Variants in ADAMTS17 observed in about 807,000 individuals in gnomAD.
The protein encoded by ADAMTS17 is ADAM metallopeptidase with thrombospondin type 1 motif 17.
Under a neutral mutation model 141.5 loss-of-function variants are expected in ADAMTS17, and 113 were observed. That is an observed-to-expected ratio of 0.80 (90% CI 0.69 to 0.93). ADAMTS17 has a LOEUF of 0.93. Ranked by LOEUF, ADAMTS17 falls within the 40% of genes least tolerant of loss-of-function variation. The probability of loss-of-function intolerance (pLI) is 0.00; values close to 1 mark genes in which losing one functional copy is unlikely to be tolerated. For synonymous variants in ADAMTS17, 768 were observed against 630.6 expected, an observed-to-expected ratio of 1.22 and a Z score of -3.27; for missense variants, 1,659 against 1,517.9, an observed-to-expected ratio of 1.09 and a Z score of -1.54.
intron 2 of ADAMTS17, chr15:100,339,256 TG>T: frequency 1.4e-6 from 1 of 738,562 alleles, no homozygotes; most frequent in Non-Finnish European, 1.7e-6. Context: ...GCCCTCATTC[TG>T]CAAGGATTTT....
intron 15 of ADAMTS17, among the ~76,000 whole-genome samples, chr15:100,090,415 G>A (rs545405928): frequency 1.4e-4 from 21 of 152,312 alleles, no homozygotes; most frequent in African/African-American, 4.3e-4. Flanking sequence ...TGCAGAATCC[G>A]ACAGAGCTGA....
intron 3 of ADAMTS17, among the ~76,000 whole-genome samples, chr15:100,302,795 A>T (rs1168260266): frequency 1.3e-5 from 2 of 152,166 alleles, no homozygotes; most frequent in African/African-American, 2.4e-5. Flanking sequence ...TTGCCACAGG[A>T]CATTCACATT....
chr15:100,253,342 G>A (rs929193068), intron 7 of ADAMTS17, among the ~76,000 whole-genome samples: 3 of 125,432 alleles, frequency 2.4e-5, no homozygotes, highest in Admixed American at 8.0e-5. Context: ...GGCAGGTGAA[G>A]GGGAAGGTGA....
At chr15:100,027,986 G>A (rs1282520187) in intron 18 of ADAMTS17, among the ~76,000 whole-genome samples, 3 of 152,106 alleles carry the variant, frequency 2.0e-5, no homozygotes, top group African/African-American at 2.4e-5. Flanking sequence ...CCCCACTGGG[G>A]AGCCCTACCC....
At chr15:100,279,026 C>A (rs371427659) in intron 4 of ADAMTS17, among the ~76,000 whole-genome samples, 1 of 152,224 alleles carries the variant, frequency 6.6e-6, no homozygotes, top group African/African-American at 2.4e-5. Flanking sequence ...GCCACCACAG[C>A]CCCAGCTACA....
At chr15:100,207,040 C>T (rs553098339) in intron 7 of ADAMTS17, among the ~76,000 whole-genome samples, 288 of 152,266 alleles carry the variant, frequency 1.9e-3, no homozygotes, top group African/African-American at 6.6e-3. Context: ...ACTGTGTCCC[C>T]CTGAAATTCA....
chr15:100,161,261 G>A (rs2039680636), intron 8 of ADAMTS17, among the ~76,000 whole-genome samples: 1 of 152,242 alleles, frequency 6.6e-6, no homozygotes, highest in Admixed American at 6.5e-5. Flanking sequence ...CGCAGGACAT[G>A]AGTAGGTGTT....
At chr15:99,987,258 G>A (rs1047901683) in intron 20 of ADAMTS17, among the ~76,000 whole-genome samples, 1 of 152,222 alleles carries the variant, frequency 6.6e-6, no homozygotes, top group East Asian at 1.9e-4. Flanking sequence ...TCTGCTGGAA[G>A]ATTGCCCCTT....
intron 7 of ADAMTS17, among the ~76,000 whole-genome samples, chr15:100,202,943 T>C (rs923380659): frequency 1.5e-4 from 23 of 152,162 alleles, no homozygotes; most frequent in Non-Finnish European, 3.1e-4. Flanking sequence ...CAGCCTTCTA[T>C]GATTTAAAAT....
intron 12 of ADAMTS17, among the ~76,000 whole-genome samples, chr15:100,131,361 A>G (rs1442604595): frequency 3.7e-5 from 3 of 80,666 alleles, no homozygotes; most frequent in African/African-American, 7.8e-5. Flanking sequence ...CAGAACTTAA[A>G]GTATGAAAAA....
At chr15:100,076,842 G>A (rs1004049640) in intron 15 of ADAMTS17, among the ~76,000 whole-genome samples, 11 of 152,136 alleles carry the variant, frequency 7.2e-5, no homozygotes, top group Non-Finnish European at 1.3e-4. Context: ...TATGTTAGGA[G>A]TAACTCAATA....
chr15:100,061,971 G>T (rs1174039871), intron 15 of ADAMTS17, among the ~76,000 whole-genome samples: 1 of 152,248 alleles, frequency 6.6e-6, no homozygotes, highest in Non-Finnish European at 1.5e-5. Flanking sequence ...TGCTGGTGAG[G>T]TTGACCCAAT....
chr15:100,267,585 T>C (rs540622679), intron 4 of ADAMTS17, among the ~76,000 whole-genome samples: 3 of 152,288 alleles, frequency 2.0e-5, no homozygotes, highest in East Asian at 1.9e-4. Context: ...CGTGAGTATA[T>C]TGCGTGATGC....
At chr15:100,142,717 T>C (rs988449348) in intron 10 of ADAMTS17, among the ~76,000 whole-genome samples, 1 of 152,176 alleles carries the variant, frequency 6.6e-6, no homozygotes, top group Non-Finnish European at 1.5e-5. Context: ...TCTCAGGCAC[T>C]GTGTGATCTA....
At chr15:100,058,494 C>G (rs373819746) in intron 15 of ADAMTS17, among the ~76,000 whole-genome samples, 1 of 152,188 alleles carries the variant, frequency 6.6e-6, no homozygotes, top group Non-Finnish European at 1.5e-5. Flanking sequence ...CAAACTACCC[C>G]ACTTCCATGC....
In ADAMTS17 at chr15:99,993,342, C is replaced by G; in HGVS notation, c.2797-142G>C. On this transcript the variant is annotated intron_variant, in intron 19 of 21. Coordinates refer to ENST00000268070, the MANE Select transcript of ADAMTS17 (RefSeq NM_139057.4). This position sits in a 1 kb window ranked among gnomAD's most constrained non-coding sequence, Gnocchi z 4.3. Reference sequence around the variant, plus strand: ...CCACACTTCTGTCCTCAAAAAGCTCCTGGTCTGCAGGGTCTTACGCACGTG... The same window carrying G: ...CCACACTTCTGTCCTCAAAAAGCTCGTGGTCTGCAGGGTCTTACGCACGTG... The G allele has an allele frequency of 3.1e-6, 4 of 1,297,192 alleles. No individual in the cohort carries two copies. The highest frequency in any genetic ancestry group is 4.4e-6 in the Non-Finnish European group (4 of 915,640). 80.4% of individuals were successfully genotyped at this position (1,297,192 alleles called of 1,614,324 possible). A position where few individuals can be genotyped will look rare whatever the true frequency, so the allele number is the denominator to read the frequency against.
At chr15:100,064,881 G>A (rs2127848) in intron 15 of ADAMTS17, among the ~76,000 whole-genome samples, 33,706 of 152,040 alleles carry the variant, frequency 0.22, 4,510 homozygotes, top group East Asian at 0.51. Flanking sequence ...TTAGACAAGC[G>A]TATTAGGCGT....
At chr15:100,294,082 G>C (rs138377298) in intron 3 of ADAMTS17, among the ~76,000 whole-genome samples, 1 of 152,246 alleles carries the variant, frequency 6.6e-6, no homozygotes, top group Non-Finnish European at 1.5e-5. Context: ...GTAGATGTGG[G>C]ATTAAGAGGC....
chr15:100,009,760 C>A (rs1164091774), intron 18 of ADAMTS17, among the ~76,000 whole-genome samples: 1 of 152,352 alleles, frequency 6.6e-6, no homozygotes, highest in East Asian at 1.9e-4. Context: ...CGAACCAAAA[C>A]AGAGATGGTC....
Sources: allele counts gnomAD v4.1 joint callset (sites outside exome capture counted in the v4.1 genomes callset), GRCh38; gene constraint gnomAD v4.1.1; non-coding constraint Gnocchi (gnomAD v3.1); transcripts MANE v1.5; gene names NCBI Gene and HGNC (gene_info 2026-07-23, HGNC 2026-07-21).